Variants in TRPM6 observed in about 807,000 individuals in gnomAD.
The protein encoded by TRPM6 is transient receptor potential cation channel subfamily M member 6.
TRPM6 carries 111 observed loss-of-function variants against 247.6 expected under a neutral mutation model. The observed-to-expected ratio is 0.45, with a 90% CI of 0.38 to 0.52. The LOEUF (loss-of-function observed/expected upper bound fraction) is 0.52, where lower values mean the gene tolerates loss of function less well. Among genes scored for constraint, TRPM6 ranks in the 20% least tolerant of loss-of-function variants. TRPM6 has a pLI of 0.00. For synonymous variants in TRPM6, 892 were observed against 853.8 expected (o/e 1.04, Z -0.78); for missense variants, 2,126 against 2,421.5 (o/e 0.88, Z 2.56).
At chr9:74,754,561 C>G (rs1404263014) in intron 28 of TRPM6, among the ~76,000 whole-genome samples, 2 of 152,164 alleles carry the variant, frequency 1.3e-5, no homozygotes, top group East Asian at 3.8e-4. Context: ...AAAATCACCC[C>G]TTGGTTGAGA....
rs189376812 is a variant in TRPM6, at chr9:74,829,549, A to G, written c.670-1600T>C. On this transcript the variant is annotated intron_variant, in intron 6 of 38. Coordinates refer to ENST00000360774, the MANE Select transcript of TRPM6 (RefSeq NM_017662.5). ...GGCTTATTTTCCTCAGGTATAAGTA[A>G]GGATGATGATACTGATAATTTTTAT... is the stretch of plus-strand genomic sequence containing the variant. 1.5e-3 allele frequency among the ~76,000 whole-genome samples: 227 copies of G among 152,292 alleles called. 1 individual carries two copies. Among genetic ancestry groups the G allele is most frequent in the African/African-American group, 5.1e-3 (214 of 41,562 alleles).
intron 1 of TRPM6, chr9:74,887,181 G>A (rs1228004057): frequency 8.4e-7 from 1 of 1,189,898 alleles, no homozygotes; most frequent in African/African-American, 1.6e-5. Flanking sequence ...GCAAGTCCGG[G>A]CGGCGCCGCG....
In TRPM6 at chr9:74,803,899, T is replaced by C; in HGVS notation, c.1639-13A>G. 2 of 1,576,326 alleles carry C rather than the reference T, an allele frequency of 1.3e-6. No homozygotes were observed. Among genetic ancestry groups the C allele is most frequent in the South Asian group, 1.1e-5 (1 of 90,316 alleles). On this transcript the variant is annotated splice_polypyrimidine_tract_variant and intron_variant, in intron 14 of 38. Coordinates refer to ENST00000360774, the MANE Select transcript of TRPM6 (RefSeq NM_017662.5). ...AGTGTCTCTGGTGCTGGGAAAGGTTTTGAACAAAGCTGGTCACTCTCTGGC... is the reference window on the plus strand; with the variant it reads ...AGTGTCTCTGGTGCTGGGAAAGGTTCTGAACAAAGCTGGTCACTCTCTGGC...
intron 25 of TRPM6, among the ~76,000 whole-genome samples, chr9:74,765,242 T>C (rs1393684305): frequency 2.6e-5 from 4 of 152,082 alleles, no homozygotes; most frequent in Admixed American, 6.6e-5. Context: ...ATGTTCGGCA[T>C]TATGTTTTCA....
chr9:74,805,585 T>G (rs1828500175), intron 14 of TRPM6, among the ~76,000 whole-genome samples: 2 of 152,198 alleles, frequency 1.3e-5, no homozygotes, highest in African/African-American at 4.8e-5. Context: ...TATCTGTGAA[T>G]GTGAATTTTT....
rs762845077 is a variant in TRPM6, at chr9:74,723,316, C to T, written c.*1297G>A. On this transcript the variant is annotated 3_prime_UTR_variant, in exon 39 of 39. Coordinates refer to ENST00000360774, the MANE Select transcript of TRPM6 (RefSeq NM_017662.5). ...TGTGAAACATGTTTTCAGTCTGAAA[C>T]CGTATCTTTCTTCATAGGACCTGAC... 19 of 152,056 alleles carry T rather than the reference C, an allele frequency of 1.2e-4. No individual in the cohort carries two copies. The highest frequency in any genetic ancestry group is 2.8e-4 in the Non-Finnish European group (19 of 68,014). 9.4% of individuals were successfully genotyped at this position (152,056 alleles called of 1,614,324 possible).
rs753203560 is a variant in TRPM6, at chr9:74,808,009, C to A, written c.1638+25G>T. 3 of 1,613,502 alleles carry A rather than the reference C, an allele frequency of 1.9e-6. No homozygotes were observed. The South Asian group carries it at 3.3e-5, about 18-fold the overall frequency. ...CAATTCCTAATCATTCTCAATTTTA[C>A]TTGGGCACTTTTCAATTACTCTACC... On this transcript the variant is annotated intron_variant, in intron 14 of 38. Transcript: ENST00000360774.
At chr9:74,872,930 T>C (rs1288467017) in intron 1 of TRPM6, among the ~76,000 whole-genome samples, 3 of 152,212 alleles carry the variant, frequency 2.0e-5, no homozygotes, top group Non-Finnish European at 4.4e-5. Context: ...AAGCTTATAA[T>C]CTTTTAAAAT....
intron 23 of TRPM6, among the ~76,000 whole-genome samples, chr9:74,777,009 G>C (rs2118900832): frequency 6.6e-6 from 1 of 152,314 alleles, no homozygotes; most frequent in African/African-American, 2.4e-5. Flanking sequence ...TTATCCTGGA[G>C]AAAGCCATCT....
At chr9:74,756,558 G>A (rs1826433880) in intron 27 of TRPM6, among the ~76,000 whole-genome samples, 1 of 151,398 alleles carries the variant, frequency 6.6e-6, no homozygotes, top group Admixed American at 6.6e-5. Flanking sequence ...CATTAGAAAA[G>A]AAGGCCAGGC....
chr9:74,878,264 C>T (rs554057229), intron 1 of TRPM6, among the ~76,000 whole-genome samples: 24 of 152,260 alleles, frequency 1.6e-4, no homozygotes, highest in African/African-American at 5.1e-4. Flanking sequence ...CCTGCCTGCC[C>T]TTCCCACCAT....
chr9:74,754,249 G>A (rs1176283639), intron 28 of TRPM6, among the ~76,000 whole-genome samples: 1 of 151,974 alleles, frequency 6.6e-6, no homozygotes, highest in Non-Finnish European at 1.5e-5. Context: ...AAATTGAGGG[G>A]GTGCTGACTA....
chr9:74,810,475 A>G (rs76148541), intron 13 of TRPM6, among the ~76,000 whole-genome samples: 4,195 of 152,220 alleles, frequency 0.028, 189 homozygotes, highest in African/African-American at 0.093. Flanking sequence ...CACAACCACA[A>G]AGTTATTTAT....
intron 7 of TRPM6, among the ~76,000 whole-genome samples, chr9:74,822,248 C>T (rs960616425): frequency 6.6e-6 from 1 of 152,022 alleles, no homozygotes; most frequent in Admixed American, 6.6e-5. Flanking sequence ...TTAATTATTA[C>T]TTATTTATTT....
rs138213738 is a variant in TRPM6, at chr9:74,762,063, G to T, written c.4608C>A (p.Phe1536Leu). 1 of 1,614,150 alleles carries T rather than the reference G, an allele frequency of 6.2e-7. No homozygotes were observed. The highest frequency in any genetic ancestry group is 8.5e-7 in the Non-Finnish European group (1 of 1,180,016). ...GGAATCTAAAACTATGACTCCTAGC[G>T]AAGGGCCTGTATCTGCGGAGAGGAT... The part of the protein sequence containing the change: ...WINPLRRYRP[F>L]ARSHSFRFHK... Residue 1536 changes from phenylalanine to leucine, a missense_variant, in exon 26 of 39, where the codon TTC becomes TTA. Phe to Leu is a conservative substitution (Grantham distance 22). Transcript: ENST00000360774.
At chr9:74,885,241 T>C (rs956236219) in intron 1 of TRPM6, among the ~76,000 whole-genome samples, 2 of 152,194 alleles carry the variant, frequency 1.3e-5, no homozygotes, top group African/African-American at 4.8e-5. Flanking sequence ...GAGATAACTA[T>C]ATTCAGAGGA....
intron 1 of TRPM6, among the ~76,000 whole-genome samples, chr9:74,859,587 T>C (rs11144119): frequency 2.0e-5 from 3 of 151,726 alleles, no homozygotes. Context: ...AGCCTGGCCA[T>C]CATGGTGAAA....
chr9:74,827,751 G>A (rs1829392206), intron 7 of TRPM6, 27 bp downstream of exon 7: 3 of 1,612,858 alleles, frequency 1.9e-6, no homozygotes, highest in African/African-American at 2.7e-5. Context: ...CAACCAGACT[G>A]GGTGACTGAG....
intron 3 of TRPM6, among the ~76,000 whole-genome samples, chr9:74,851,513 T>G (rs1830312129): frequency 6.6e-6 from 1 of 151,722 alleles, no homozygotes; most frequent in Admixed American, 6.6e-5. Flanking sequence ...TTTGGGAGGC[T>G]GAGGACGGCG....
Sources: allele counts gnomAD v4.1 joint callset (sites outside exome capture counted in the v4.1 genomes callset), GRCh38; gene constraint gnomAD v4.1.1; transcripts MANE v1.5; gene names NCBI Gene and HGNC (gene_info 2026-07-23, HGNC 2026-07-21).